The following SLC25A21 variants were observed in gnomAD, a reference collection of about 807,000 sequenced individuals.
SLC25A21 encodes mitochondrial 2-oxodicarboxylate carrier.
In SLC25A21, 47 loss-of-function variants were observed where a neutral mutation model predicts 43.8. The ratio of observed to expected loss-of-function variants is 1.07; its 90% CI spans 0.85 to 1.37. The LOEUF is 1.37. SLC25A21 is among the 40% of genes most tolerant of loss of function. SLC25A21 has a pLI of 0.00. For missense variants in SLC25A21, 352 were observed against 350.2 expected (o/e 1.00, Z -0.04); for synonymous variants, 131 against 121.3 (o/e 1.08, Z -0.52).
chr14:37,042,412 C>T (rs947536918), intron 1 of SLC25A21, among the ~76,000 whole-genome samples: 1 of 152,138 alleles, frequency 6.6e-6, no homozygotes, highest in Non-Finnish European at 1.5e-5. Flanking sequence ...CTTAATTTTA[C>T]CGACTCCAAA....
At chr14:36,798,107 C>A (rs1887736928) in intron 3 of SLC25A21, among the ~76,000 whole-genome samples, 1 of 152,170 alleles carries the variant, frequency 6.6e-6, no homozygotes. Context: ...AGAAAGTAGT[C>A]TGTGCGTTGT....
intron 1 of SLC25A21, among the ~76,000 whole-genome samples, chr14:36,925,777 G>A (rs746884033): frequency 2.0e-5 from 3 of 152,174 alleles, no homozygotes. Flanking sequence ...AACCCAGGGG[G>A]CAGAGGTTGT....
At chr14:37,106,915 T>G in intron 1 of SLC25A21, among the ~76,000 whole-genome samples, 1 of 152,214 alleles carries the variant, frequency 6.6e-6, no homozygotes, top group East Asian at 1.9e-4. Context: ...GAACCTACGT[T>G]GAAATATTGG....
intron 1 of SLC25A21, among the ~76,000 whole-genome samples, chr14:37,080,508 G>C (rs1962365260): frequency 6.6e-6 from 1 of 152,176 alleles, no homozygotes; most frequent in South Asian, 2.1e-4. Context: ...GCTGAGGTGG[G>C]AGGATCGCCT....
intron 6 of SLC25A21, among the ~76,000 whole-genome samples, chr14:36,717,052 G>A (rs1205564991): frequency 6.6e-6 from 1 of 152,180 alleles, no homozygotes; most frequent in Non-Finnish European, 1.5e-5. Flanking sequence ...TGGGCCTTCA[G>A]AAAAACACTG....
intron 3 of SLC25A21, among the ~76,000 whole-genome samples, chr14:36,797,151 A>G (rs953771129): frequency 2.0e-5 from 3 of 152,118 alleles, no homozygotes; most frequent in Non-Finnish European, 4.4e-5. Context: ...AATTATAACT[A>G]ACATCAAATT....
chr14:36,685,057 AT>A, intron 7 of SLC25A21, 132 bp from the exon 8 acceptor site: 1 of 626,650 alleles, frequency 1.6e-6, no homozygotes, highest in Non-Finnish European at 2.6e-6. Context: ...AGCGGAACAC[AT>A]TAGGATTTCC....
At chr14:36,932,946 C>T (rs776304722) in intron 1 of SLC25A21, among the ~76,000 whole-genome samples, 4 of 152,048 alleles carry the variant, frequency 2.6e-5, no homozygotes, top group Non-Finnish European at 4.4e-5. Context: ...AGTAAAAGCA[C>T]ATTAATTACT....
rs1392407436 is a variant in SLC25A21, at chr14:36,678,275, A to C, written c.*2383T>G. The C allele has an allele frequency of 1.8e-6, 1 of 569,022 alleles. No individual in the cohort carries two copies. The highest frequency in any genetic ancestry group is 3.1e-6 in the Non-Finnish European group (1 of 318,806). 35.2% of individuals were successfully genotyped at this position (569,022 alleles called of 1,614,324 possible). ...ACAGTAAGCAGATTTCTGACACACA[A>C]ATTATGTTAGAGTGACTGCTTTTTT... On this transcript the variant is annotated 3_prime_UTR_variant, in exon 10 of 10. Coordinates refer to ENST00000331299, the MANE Select transcript of SLC25A21 (RefSeq NM_030631.4).
At chr14:36,756,425 C>T (rs1405650728) in intron 3 of SLC25A21, among the ~76,000 whole-genome samples, 1 of 152,188 alleles carries the variant, frequency 6.6e-6, no homozygotes, top group Non-Finnish European at 1.5e-5. Context: ...TCACGAGGCT[C>T]CCCAGAGGTT....
intron 2 of SLC25A21, among the ~76,000 whole-genome samples, chr14:36,831,456 C>G (rs892371810): frequency 6.6e-6 from 1 of 152,082 alleles, no homozygotes; most frequent in African/African-American, 2.4e-5. Flanking sequence ...GGTTGAAAAG[C>G]TCTTTAAGGC....
intron 2 of SLC25A21, among the ~76,000 whole-genome samples, chr14:36,865,861 G>A (rs781323398): frequency 5.9e-5 from 9 of 152,012 alleles, no homozygotes; most frequent in African/African-American, 1.4e-4. Context: ...ATAACAACAC[G>A]TGGATGCCAA....
At chr14:36,850,021 G>A (rs1889674212) in intron 2 of SLC25A21, among the ~76,000 whole-genome samples, 1 of 152,136 alleles carries the variant, frequency 6.6e-6, no homozygotes, top group Non-Finnish European at 1.5e-5. Context: ...TGTGGATACA[G>A]GTAAGTGAAC....
Position 37,137,840 on chromosome 14 carries a change from A to G in SLC25A21, c.70+34441T>C, listed in dbSNP as rs992037048. ...TACCATTTAACATGTCTGTATGTCA[A>G]TGAATTCGTTCTACAGGTATTAATT... is the stretch of plus-strand genomic sequence containing the variant. On this transcript the variant is annotated intron_variant, in intron 1 of 9. Transcript: ENST00000331299. 2.0e-5 allele frequency among the ~76,000 whole-genome samples: 3 copies of G among 152,230 alleles called. No individual in the cohort carries two copies. In the East Asian group the frequency reaches 5.8e-4, roughly 29 times the overall value.
intron 1 of SLC25A21, among the ~76,000 whole-genome samples, chr14:36,908,766 A>G (rs1220886621): frequency 6.6e-6 from 1 of 152,224 alleles, no homozygotes; most frequent in Non-Finnish European, 1.5e-5. Flanking sequence ...CATGAGAAAT[A>G]CAGATGGAGG....
chr14:37,064,880 T>C (rs114095483), intron 1 of SLC25A21, among the ~76,000 whole-genome samples: 136 of 152,258 alleles, frequency 8.9e-4, no homozygotes, highest in African/African-American at 3.0e-3. Flanking sequence ...TATAGAACAT[T>C]GGGAAGGCAG....
chr14:36,938,032 C>T (rs796377620), intron 1 of SLC25A21, among the ~76,000 whole-genome samples: 3 of 152,040 alleles, frequency 2.0e-5, no homozygotes, highest in African/African-American at 7.2e-5. Context: ...TTAATGGCAA[C>T]TCGATATAAT....
intron 1 of SLC25A21, among the ~76,000 whole-genome samples, chr14:37,139,312 T>A (rs890565859): frequency 6.6e-6 from 1 of 152,156 alleles, no homozygotes; most frequent in Admixed American, 6.5e-5. Flanking sequence ...ATGATTATCA[T>A]GCATTTTAAA....
At chr14:37,137,093 C>T (rs1348856147) in intron 1 of SLC25A21, among the ~76,000 whole-genome samples, 11 of 152,152 alleles carry the variant, frequency 7.2e-5, no homozygotes, top group Admixed American at 3.3e-4. Flanking sequence ...CTCCGCCTTC[C>T]GGGTTCACGC....
Sources: gnomAD v4.1 joint callset for allele counts (sites outside exome capture counted in the v4.1 genomes callset) on GRCh38, gnomAD v4.1.1 for gene constraint, MANE v1.5 for transcripts, NCBI Gene and HGNC (gene_info 2026-07-23, HGNC 2026-07-21) for gene names.